The following FDPS variants were observed in gnomAD, a reference collection of about 807,000 sequenced individuals.
The protein encoded by FDPS is farnesyl diphosphate synthase.
In FDPS, 29 loss-of-function variants were observed where a neutral mutation model predicts 49.5. That is an observed-to-expected ratio of 0.59 (90% CI 0.44 to 0.80). FDPS has a LOEUF of 0.80. FDPS is among the 30% of genes least tolerant of loss of function. The probability of loss-of-function intolerance (pLI) is 0.00; values close to 1 mark genes in which losing one functional copy is unlikely to be tolerated. For missense variants in FDPS, 414 were observed against 525.6 expected (o/e 0.79, Z 2.08); for synonymous variants, 172 against 206.4 (o/e 0.83, Z 1.43).
chr1:155,316,315 T>C (rs899733487), intron 4 of FDPS, among the ~76,000 whole-genome samples: 1 of 152,070 alleles, frequency 6.6e-6, no homozygotes, highest in Non-Finnish European at 1.5e-5. Flanking sequence ...AAATAAGTTA[T>C]GAAAATAAAA....
Position 155,317,799 on chromosome 1 carries a change from G to A in FDPS, c.481-142G>A, listed in dbSNP as rs552434274. The A allele has an allele frequency of 8.9e-5, 56 of 629,138 alleles. No homozygotes were observed. The South Asian group carries it at 1.1e-3, about 12-fold the overall frequency. The allele number at this position is 629,138 out of a possible 1,614,324, so 39.0% of individuals were successfully genotyped here. On this transcript the variant is annotated intron_variant, in intron 4 of 10. Coordinates refer to ENST00000368356, the MANE Select transcript of FDPS (RefSeq NM_002004.4). ...TTAGAGGCTACAGTGAGCTGTGACT[G>A]CACCACTGCACTGGATAATAGTGAG...
chr1:155,309,700 A>T, intron 1 of FDPS, 89 bp from the exon 2 acceptor site: 1 of 1,191,518 alleles, frequency 8.4e-7, no homozygotes, highest in Non-Finnish European at 1.1e-6. Flanking sequence ...CTGGGGTGGG[A>T]GTTATCTGGG....
chr1:155,318,410 A>C lies in FDPS; in HGVS notation c.684+119A>C. On this transcript the variant is annotated intron_variant, in intron 6 of 10. Transcript: ENST00000368356. This position sits in a 1 kb window ranked among gnomAD's most constrained non-coding sequence, Gnocchi z 4.2. ...ATTGCAGCGTGCCTGGAAGGGAAAGAAAGCGAGGAAGGGTGTTGGGAAGTG... is the reference window on the plus strand; with the variant it reads ...ATTGCAGCGTGCCTGGAAGGGAAAGCAAGCGAGGAAGGGTGTTGGGAAGTG... 1 of 1,351,574 alleles carries C rather than the reference A, an allele frequency of 7.4e-7. No individual in the cohort carries two copies. The highest frequency in any genetic ancestry group is 1.0e-6 in the Non-Finnish European group (1 of 968,940). 83.7% of individuals were successfully genotyped at this position (1,351,574 alleles called of 1,614,324 possible).
At position 155,318,694 on chromosome 1, in the gene FDPS, C is replaced by A; in HGVS notation, c.714C>A (p.Thr238=). The A allele has an allele frequency of 6.2e-7, 1 of 1,613,598 alleles. No homozygotes were observed. Among genetic ancestry groups the A allele is most frequent in the Non-Finnish European group, 8.5e-7 (1 of 1,179,662 alleles). ...CCTATCAGACTGAGATTGGGCAGAC[C>A]CTGGACCTCCTCACAGCCCCCCAGG... The part of the protein sequence containing the change: ...QSSYQTEIGQ[T]LDLLTAPQGN... Residue 238 remains threonine (T), a synonymous_variant, in exon 7 of 11, where the codon ACC becomes ACA. Coordinates refer to ENST00000368356, the MANE Select transcript of FDPS (RefSeq NM_002004.4). This position sits in a 1 kb window ranked among gnomAD's most constrained non-coding sequence, Gnocchi z 4.2.
chr1:155,318,245 G>A lies in FDPS; in HGVS notation c.638G>A (p.Cys213Tyr). The change falls in exon 6 of 11, where the codon TGC becomes TAC. Residue 213 changes from cysteine to tyrosine, a missense_variant. Transcript: ENST00000368356. The surrounding 1 kb of genome is among the most constrained non-coding windows in gnomAD (Gnocchi z 4.2). The part of the protein sequence containing the change: ...ACIYRLLKLY[C>Y]REQPYYLNLI... ...ATCTACCGCCTGCTGAAGCTCTATT[G>A]CCGGGAGCAGCCCTATTACCTGAAC... is the stretch of plus-strand genomic sequence containing the variant. 1 of 1,613,724 alleles carries A rather than the reference G, an allele frequency of 6.2e-7. No individual in the cohort carries two copies. The highest frequency in any genetic ancestry group is 8.5e-7 in the Non-Finnish European group (1 of 1,180,030).
chr1:155,314,911 G>A (rs1206419205), intron 4 of FDPS, among the ~76,000 whole-genome samples: 1 of 152,094 alleles, frequency 6.6e-6, no homozygotes, highest in Non-Finnish European at 1.5e-5. Flanking sequence ...GTTGAGTGGT[G>A]GTGGCTGAAA....
chr1:155,312,590 A>G (rs1187724337), intron 4 of FDPS, 195 bp downstream of exon 4: 3 of 600,820 alleles, frequency 5.0e-6, no homozygotes, highest in African/African-American at 3.7e-5. Flanking sequence ...ATTAGGTATG[A>G]AGATGGCTGT....
intron 4 of FDPS, among the ~76,000 whole-genome samples, chr1:155,315,781 C>T (rs867357708): frequency 3.3e-5 from 5 of 150,246 alleles, no homozygotes; most frequent in South Asian, 2.1e-4. Flanking sequence ...GCAGGAAAAT[C>T]GCTTGAACCC....
At chr1:155,315,361 A>G (rs956384857) in intron 4 of FDPS, among the ~76,000 whole-genome samples, 1 of 151,986 alleles carries the variant, frequency 6.6e-6, no homozygotes, top group African/African-American at 2.4e-5. Context: ...CCTGACCAAC[A>G]TGGGGAAACC....
intron 4 of FDPS, chr1:155,316,801 A>G (rs1649484295): frequency 6.6e-6 from 1 of 152,144 alleles, no homozygotes; most frequent in Admixed American, 6.5e-5. Context: ...AAAAAAAAAA[A>G]AAAAGAAAAG....
In FDPS at chr1:155,310,223, TGGG is replaced by T. The variant is rs755810789; in HGVS notation, c.339+21_339+23del. ...TCAAGGAGGTGAGGGATTCATGACT[TGGG>T]GGAGTAAGGCTTTGGTTCAGTTGCT... On this transcript the variant is annotated intron_variant, in intron 3 of 10. Transcript: ENST00000368356. 6.2e-7 allele frequency: 1 copy of T among 1,612,674 alleles called. No individual in the cohort carries two copies. Among genetic ancestry groups the T allele is most frequent in the East Asian group, 2.2e-5 (1 of 44,828 alleles).
At chr1:155,310,458 G>A (rs1340442607) in intron 3 of FDPS, 28 of 458,630 alleles carry the variant, frequency 6.1e-5, no homozygotes, top group South Asian at 6.1e-4. Context: ...TTACAGGTGC[G>A]TGCCACCACA....
intron 4 of FDPS, among the ~76,000 whole-genome samples, chr1:155,315,470 G>C (rs564673497): frequency 2.2e-4 from 34 of 152,278 alleles, no homozygotes; most frequent in African/African-American, 7.9e-4. Flanking sequence ...ATGAAGTCAG[G>C]AGATCGAGAC....
intron 3 of FDPS, chr1:155,310,536 C>T: frequency 4.1e-6 from 1 of 243,772 alleles, no homozygotes; most frequent in Non-Finnish European, 8.1e-6. Context: ...GTCTCGAACT[C>T]CTGACCTCAG....
Position 155,309,778 on chromosome 1 carries a change from G to T in FDPS, c.-1-11G>T. ...GGAGTGCTTAGTGCCCCCTCCCTATGCCACTCCCAGGATGCCCCTGTCCCG... is the reference window on the plus strand; with the variant it reads ...GGAGTGCTTAGTGCCCCCTCCCTATTCCACTCCCAGGATGCCCCTGTCCCG... On this transcript the variant is annotated splice_polypyrimidine_tract_variant and intron_variant, in intron 1 of 10. Transcript: ENST00000368356. 6.5e-7 allele frequency: 1 copy of T among 1,531,522 alleles called. No homozygotes were observed. 94.9% of individuals were successfully genotyped at this position (1,531,522 alleles called of 1,614,324 possible). A position where few individuals can be genotyped will look rare whatever the true frequency, so the allele number is the denominator to read the frequency against.
At chr1:155,312,556 C>A in intron 4 of FDPS, 161 bp downstream of exon 4, 1 of 714,550 alleles carries the variant, frequency 1.4e-6, no homozygotes, top group Non-Finnish European at 2.3e-6. Context: ...CAAGGGTTAA[C>A]TAATGTGGGG....
intron 4 of FDPS, 85 bp from the exon 5 acceptor site, chr1:155,317,856 A>G (rs1202718134): frequency 3.2e-6 from 4 of 1,237,048 alleles, no homozygotes; most frequent in African/African-American, 1.5e-5. Flanking sequence ...AAGCAAAACT[A>G]TATACAGATA....
chr1:155,315,727 C>T (rs553964679), intron 4 of FDPS, among the ~76,000 whole-genome samples: 8 of 151,354 alleles, frequency 5.3e-5, no homozygotes, highest in Non-Finnish European at 1.0e-4. Flanking sequence ...ATTAGCCAGG[C>T]GTGGAGGCAC....
intron 4 of FDPS, among the ~76,000 whole-genome samples, chr1:155,313,689 C>A (rs1649028938): frequency 6.6e-6 from 1 of 151,816 alleles, no homozygotes; most frequent in South Asian, 2.1e-4. Flanking sequence ...TGCTGAGGGG[C>A]TGAGGGGTTC....
Sources: gnomAD v4.1 joint callset for allele counts (sites outside exome capture counted in the v4.1 genomes callset) on GRCh38, gnomAD v4.1.1 for gene constraint, Gnocchi (gnomAD v3.1) non-coding constraint, MANE v1.5 for transcripts, NCBI Gene and HGNC (gene_info 2026-07-23, HGNC 2026-07-21) for gene names.